The following ZWILCH variants were observed in gnomAD, a reference collection of about 807,000 sequenced individuals.
ZWILCH encodes zwilch kinetochore protein, also known as protein zwilch homolog.
Under a neutral mutation model 79.9 loss-of-function variants are expected in ZWILCH, and 74 were observed. The ratio of observed to expected loss-of-function variants is 0.93; its 90% confidence interval spans 0.77 to 1.12. The LOEUF (loss-of-function observed/expected upper bound fraction) is 1.12. Among genes scored for constraint, ZWILCH ranks in the 50% most tolerant of loss-of-function variants. ZWILCH has a pLI of 0.00. For synonymous variants in ZWILCH, 241 were observed against 228.2 expected (o/e 1.06, Z -0.51); for missense variants, 694 against 687.5 (o/e 1.01, Z -0.11).
chr15:66,526,223 A>G (rs975082480), intron 8 of ZWILCH, among the ~76,000 whole-genome samples: 2 of 152,166 alleles, frequency 1.3e-5, no homozygotes, highest in African/African-American at 4.8e-5. Flanking sequence ...AAAAATCAAC[A>G]TTGGCTGTTT....
At chr15:66,532,666 T>G (rs1321578673) in intron 13 of ZWILCH, among the ~76,000 whole-genome samples, 1 of 151,996 alleles carries the variant, frequency 6.6e-6, no homozygotes, top group Non-Finnish European at 1.5e-5. Flanking sequence ...GTTAGTATTT[T>G]AAATAAAAAA....
At chr15:66,529,971 C>T (rs1371906510) in intron 12 of ZWILCH, among the ~76,000 whole-genome samples, 1 of 152,196 alleles carries the variant, frequency 6.6e-6, no homozygotes, top group Non-Finnish European at 1.5e-5. Context: ...GAGATCCTCA[C>T]AATGTGTCAT....
At chr15:66,508,054 GGC>G (rs1453939253) in intron 1 of ZWILCH, among the ~76,000 whole-genome samples, 2 of 152,076 alleles carry the variant, frequency 1.3e-5, no homozygotes, top group Non-Finnish European at 2.9e-5. Context: ...ATCAGTCATA[GGC>G]CTAGCTCTTC....
chr15:66,520,965 G>A, intron 6 of ZWILCH, 85 bp from the exon 7 acceptor site: 2 of 1,465,776 alleles, frequency 1.4e-6, no homozygotes, highest in Non-Finnish European at 1.9e-6. Context: ...TTTTCTTTTG[G>A]GACAAGGATC....
chr15:66,515,107 AT>A lies in ZWILCH; in HGVS notation c.202-409del, dbSNP rs566687064. On this transcript the variant is annotated intron_variant, in intron 3 of 18. Coordinates refer to ENST00000307897, the MANE Select transcript of ZWILCH (RefSeq NM_017975.5). ...CAGGTGCATGCCACCACCCTGGCTG[AT>A]TTTTTTTTTCTTTTCTTTTTTTGGT... Among the ~76,000 whole-genome samples, 377 of 147,562 alleles carry A rather than the reference AT, an allele frequency of 2.6e-3. 3 individuals carry two copies. The highest frequency in any genetic ancestry group is 7.4e-3 in the African/African-American group (297 of 40,126).
chr15:66,518,564 A>C (rs1894374249), intron 4 of ZWILCH, among the ~76,000 whole-genome samples: 1 of 152,128 alleles, frequency 6.6e-6, no homozygotes, highest in Admixed American at 6.5e-5. Flanking sequence ...TATAATCCCA[A>C]CACTTTGGAA....
chr15:66,531,825 T>A (rs1049290098), intron 12 of ZWILCH, among the ~76,000 whole-genome samples: 1 of 152,082 alleles, frequency 6.6e-6, no homozygotes, highest in Admixed American at 6.5e-5. Context: ...TCCCAGCACT[T>A]TGGGAGTCCG....
chr15:66,508,903 T>G lies in ZWILCH; in HGVS notation c.105+11T>G, dbSNP rs746605701. ...CCATTTCTCTATGAGGTATGAACAA[T>G]TTGGTTTTTAAACACAACTCTAATC... On this transcript the variant is annotated intron_variant, in intron 2 of 18. Transcript: ENST00000307897. 9.1e-5 allele frequency: 146 copies of G among 1,612,800 alleles called. No homozygotes were observed. Among genetic ancestry groups the G allele is most frequent in the Non-Finnish European group, 1.2e-4 (140 of 1,179,536 alleles).
intron 4 of ZWILCH, 119 bp downstream of exon 4, chr15:66,515,763 CT>C (rs1418949253): frequency 4.1e-6 from 3 of 736,438 alleles, no homozygotes; most frequent in Middle Eastern, 7.3e-4. Context: ...CCCCCACCCC[CT>C]GATAAGTATA....
chr15:66,540,168 A>T lies in ZWILCH; in HGVS notation c.1645A>T (p.Ser549Cys). ...GAAGATTAAGACAGTTTGGCAACTG[A>T]GTGACAGCTCACCCATAGACCATCT... ...QKKIKTVWQL[S>C]DSSPIDHLNF... is the part of the protein sequence containing the mutation. Residue 549 changes from serine to cysteine, a missense_variant, in exon 17 of 19, where the codon AGT becomes TGT. Coordinates refer to ENST00000307897, the MANE Select transcript of ZWILCH (RefSeq NM_017975.5). The T allele has an allele frequency of 6.2e-7, 1 of 1,613,814 alleles. No individual in the cohort carries two copies. Among genetic ancestry groups the T allele is most frequent in the Non-Finnish European group, 8.5e-7 (1 of 1,179,788 alleles).
At position 66,548,993 on chromosome 15, in the gene ZWILCH, ATAT is replaced by A. The variant is rs1895491409; in HGVS notation, c.*674_*676del. 1 of 156,758 alleles carries A rather than the reference ATAT, an allele frequency of 6.4e-6. No homozygotes were observed. The highest frequency in any genetic ancestry group is 2.4e-5 in the African/African-American group (1 of 41,550). 9.7% of individuals were successfully genotyped at this position (156,758 alleles called of 1,614,324 possible). A position where few individuals can be genotyped will look rare whatever the true frequency, so the allele number is the denominator to read the frequency against. ...TGGGAAACATTTCCAATCTTTCAAA[ATAT>A]TATTGTGTATCTTAAGAAGTATAGG... On this transcript the variant is annotated 3_prime_UTR_variant, in exon 19 of 19. Coordinates refer to ENST00000307897, the MANE Select transcript of ZWILCH (RefSeq NM_017975.5).
In ZWILCH at chr15:66,520,119, A is replaced by G. The variant is rs1453876045; in HGVS notation, c.521-471A>G. 4.0e-5 allele frequency among the ~76,000 whole-genome samples: 6 copies of G among 150,668 alleles called. No homozygotes were observed. The East Asian group carries it at 1.2e-3, about 30-fold the overall frequency. On this transcript the variant is annotated intron_variant, in intron 5 of 18. Transcript: ENST00000307897. ...TGCTGCGCCTGGCTGTTACACTTAA[A>G]TTCTTATTTTTAGTTTTTTGAGGTA...
At position 66,513,182 on chromosome 15, in the gene ZWILCH, C is replaced by T. The variant is rs149588493; in HGVS notation, c.106-806C>T. Among the ~76,000 whole-genome samples, 860 of 152,294 alleles carry T rather than the reference C, an allele frequency of 5.6e-3. 8 individuals are homozygous for T. The highest frequency in any genetic ancestry group is 0.02 in the African/African-American group (814 of 41,552). On this transcript the variant is annotated intron_variant, in intron 2 of 18. Transcript: ENST00000307897. ...CTGACCTCAAGTGATGTATCCGCCT[C>T]GGCCTCCCAAAGTGCTGGGATTACA...
At position 66,550,040 on chromosome 15, in the gene ZWILCH, C is replaced by G. The variant is rs200340415; in HGVS notation, c.*1716C>G. 6.3e-7 allele frequency: 1 copy of G among 1,595,960 alleles called. No individual in the cohort carries two copies. Among genetic ancestry groups the G allele is most frequent in the Admixed American group, 1.7e-5 (1 of 57,380 alleles). On this transcript the variant is annotated 3_prime_UTR_variant, in exon 19 of 19. Coordinates refer to ENST00000307897, the MANE Select transcript of ZWILCH (RefSeq NM_017975.5). Reference sequence around the variant, plus strand: ...GAAAACATTGAAATATACTGACTCACCTGCAGCAAGCATCTGATTGTTGAT... The same window carrying G: ...GAAAACATTGAAATATACTGACTCAGCTGCAGCAAGCATCTGATTGTTGAT...
Position 66,515,599 on chromosome 15 carries a change from C to T in ZWILCH, c.275C>T (p.Thr92Ile), listed in dbSNP as rs1202200344. 4.3e-6 allele frequency: 7 copies of T among 1,613,766 alleles called. No individual in the cohort carries two copies. The African/African-American group carries it at 9.3e-5, about 22-fold the overall frequency. ...GAAACTGCCATATCTGATTTCTCTACTGGCGAAAATGTTGGACCACTTGCT... is the reference window on the plus strand; with the variant it reads ...GAAACTGCCATATCTGATTTCTCTATTGGCGAAAATGTTGGACCACTTGCT... ...SEETAISDFS[T>I]GENVGPLALP... Residue 92 changes from threonine (T) to isoleucine (I), a missense_variant, in exon 4 of 19, where the codon ACT becomes ATT. By Grantham distance (89) the Thr-to-Ile change is moderately conservative. Transcript: ENST00000307897.
At chr15:66,531,301 C>G (rs1184996451) in intron 12 of ZWILCH, among the ~76,000 whole-genome samples, 1 of 152,106 alleles carries the variant, frequency 6.6e-6, no homozygotes, top group Non-Finnish European at 1.5e-5. Context: ...AAAGATTCTC[C>G]TCTCAGCTAG....
At chr15:66,508,957 T>A in intron 2 of ZWILCH, 65 bp downstream of exon 2, 1 of 1,551,982 alleles carries the variant, frequency 6.4e-7, no homozygotes, top group South Asian at 1.1e-5. Flanking sequence ...ATTTTTATTT[T>A]GAGACGGAGT....
rs1215919988 is a variant in ZWILCH at position 66,519,105 on chromosome 15, G to T, written c.520+27G>T. On this transcript the variant is annotated intron_variant, in intron 5 of 18. Transcript: ENST00000307897. ...TGAGTGCTCTCTCTAGAGAGTGTGT[G>T]TGTGTATTTATTCATTTGTATAGTT... 6 of 1,597,216 alleles carry T rather than the reference G, an allele frequency of 3.8e-6. No homozygotes were observed. In the East Asian group the frequency reaches 1.1e-4, roughly 30 times the overall value.
Position 66,546,637 on chromosome 15 carries a change from C to G in ZWILCH, c.1734C>G (p.Phe578Leu). The change falls in exon 18 of 19, where the codon TTC becomes TTG. Residue 578 changes from phenylalanine (F) to leucine (L), a missense_variant. Coordinates refer to ENST00000307897, the MANE Select transcript of ZWILCH (RefSeq NM_017975.5). ...TLNGSLEERI[F>L]FTNMVTCSQV... is the part of the protein sequence containing the mutation. ...ACGGTAGCCTGGAAGAAAGGATATT[C>G]TTTACTAACATGGTTACCTGCAGCC... 6.2e-7 allele frequency: 1 copy of G among 1,609,266 alleles called. No individual in the cohort carries two copies. The highest frequency in any genetic ancestry group is 8.5e-7 in the Non-Finnish European group (1 of 1,177,878).
Sources: gnomAD v4.1 joint callset for allele counts (sites outside exome capture counted in the v4.1 genomes callset) on GRCh38, gnomAD v4.1.1 for gene constraint, MANE v1.5 for transcripts, NCBI Gene and HGNC (gene_info 2026-07-23, HGNC 2026-07-21) for gene names.